The following AKAP1 variants were observed in gnomAD, a reference collection of about 807,000 sequenced individuals.
The protein encoded by AKAP1 is A-kinase anchoring protein 1.
Under a neutral mutation model 79.8 loss-of-function variants are expected in AKAP1, and 32 were observed. The ratio of observed to expected loss-of-function variants is 0.40; its 90% confidence interval spans 0.30 to 0.54. The LOEUF (loss-of-function observed/expected upper bound fraction) is 0.54. Ranked by LOEUF, AKAP1 falls within the 20% of genes least tolerant of loss-of-function variation. The pLI, the probability that AKAP1 is intolerant of heterozygous loss-of-function variation, is 0.47. For missense variants in AKAP1, 961 were observed against 1,138.9 expected, an observed-to-expected ratio of 0.84 and a Z score of 2.25; for synonymous variants, 416 against 466.7, an observed-to-expected ratio of 0.89 and a Z score of 1.40.
At chr17:57,114,333 A>G (rs1567914361) in intron 5 of AKAP1, 126 bp from the exon 6 acceptor site, 2 of 1,137,476 alleles carry the variant, frequency 1.8e-6, no homozygotes, top group East Asian at 5.0e-5. Context: ...TCTGGGTGCC[A>G]TGTTGTCTTG....
rs1915303255 is a variant in AKAP1 at position 57,112,409 on chromosome 17, G to A, written c.1976-82G>A. On this transcript the variant is annotated intron_variant, in intron 4 of 10. Coordinates refer to ENST00000337714, the MANE Select transcript of AKAP1 (RefSeq NM_003488.4). ...CTCTATGCAAAGTCCAGTGGAGTGG[G>A]GTCTGTGGCTGTGTTTTTGTGAGTG... The A allele has an allele frequency of 3.9e-6, 6 of 1,523,158 alleles. No individual in the cohort carries two copies. The South Asian group carries it at 5.0e-5, about 13-fold the overall frequency. 94.4% of individuals were successfully genotyped at this position (1,523,158 alleles called of 1,614,324 possible). A position where few individuals can be genotyped will look rare whatever the true frequency, so the allele number is the denominator to read the frequency against.
intron 6 of AKAP1, 126 bp downstream of exon 6, chr17:57,114,762 T>G: frequency 8.9e-7 from 1 of 1,120,616 alleles, no homozygotes; most frequent in East Asian, 2.6e-5. Flanking sequence ...TTCTTGCCAT[T>G]GTTATGGAGC....
chr17:57,108,899 C>T (rs1915064520), intron 2 of AKAP1, among the ~76,000 whole-genome samples: 1 of 152,214 alleles, frequency 6.6e-6, no homozygotes, highest in Admixed American at 6.5e-5. Flanking sequence ...GCTCCCCGCC[C>T]CCTCGCCCAG....
At chr17:57,102,081 A>T (rs1914551447) in intron 1 of AKAP1, among the ~76,000 whole-genome samples, 1 of 152,066 alleles carries the variant, frequency 6.6e-6, no homozygotes, top group Non-Finnish European at 1.5e-5. Context: ...GCCTGTGCAG[A>T]GGTACGTGGG....
rs1015532362 is a variant in AKAP1 at position 57,120,890 on chromosome 17, A to C, written c.*566A>C. The C allele has an allele frequency of 6.5e-6, 1 of 152,826 alleles. No individual in the cohort carries two copies. The highest frequency in any genetic ancestry group is 1.5e-5 in the Non-Finnish European group (1 of 68,168). The allele number at this position is 152,826 out of a possible 1,614,324, so 9.5% of individuals were successfully genotyped here. A position where few individuals can be genotyped will look rare whatever the true frequency, so the allele number is the denominator to read the frequency against. ...TTTTTAAATTGCAACTGTAAATATG[A>C]AATGGTCATCACATCTGACCTTGGT... On this transcript the variant is annotated 3_prime_UTR_variant, in exon 11 of 11. Transcript: ENST00000337714.
chr17:57,110,752 T>C lies in AKAP1; in HGVS notation c.1848+594T>C, dbSNP rs144916216. ...TATTTAACAATTTAATTTTCGTGTG[T>C]TATTCTTTGAAAATGTAACTGTAAC... On this transcript the variant is annotated intron_variant, in intron 3 of 10. Coordinates refer to ENST00000337714, the MANE Select transcript of AKAP1 (RefSeq NM_003488.4). Among the ~76,000 whole-genome samples the C allele has an allele frequency of 4.4e-3, 666 of 152,380 alleles. 2 individuals are homozygous for C. The highest frequency in any genetic ancestry group is 8.1e-3 in the South Asian group (39 of 4,826).
In AKAP1 at chr17:57,116,932, C is replaced by T. The variant is rs367602835; in HGVS notation, c.2500+5C>T. 69 of 1,613,660 alleles carry T rather than the reference C, an allele frequency of 4.3e-5. No individual in the cohort carries two copies. Among genetic ancestry groups the T allele is most frequent in the Non-Finnish European group, 5.8e-5 (68 of 1,179,666 alleles). On this transcript the variant is annotated splice_donor_5th_base_variant and intron_variant, in intron 8 of 10. Transcript: ENST00000337714. ...ACAGTGTGATGCCCCTGTCAGGTAA[C>T]AGCTGAGGCCTTTGGCTTGGGGGAT...
At chr17:57,102,413 T>C (rs548886908) in intron 1 of AKAP1, among the ~76,000 whole-genome samples, 1 of 152,066 alleles carries the variant, frequency 6.6e-6, no homozygotes, top group Non-Finnish European at 1.5e-5. Flanking sequence ...TCTAGAATAA[T>C]GGGTTCCAGA....
chr17:57,118,822 CTA>C (rs1234378786), intron 9 of AKAP1, among the ~76,000 whole-genome samples, 158 bp from the exon 10 acceptor site: 1 of 152,212 alleles, frequency 6.6e-6, no homozygotes, highest in Admixed American at 6.5e-5. Context: ...TGAGAACTCA[CTA>C]TGACGAGAAC....
intron 1 of AKAP1, among the ~76,000 whole-genome samples, chr17:57,099,483 T>G (rs1196631933): frequency 2.0e-5 from 3 of 152,058 alleles, no homozygotes; most frequent in African/African-American, 7.2e-5. Flanking sequence ...CACTGGGAAT[T>G]TAGGTGGGAC....
At chr17:57,114,764 T>A in intron 6 of AKAP1, 128 bp downstream of exon 6, 1 of 1,109,650 alleles carries the variant, frequency 9.0e-7, no homozygotes. Context: ...CTTGCCATTG[T>A]TATGGAGCTG....
chr17:57,101,765 G>C (rs1722615914), intron 1 of AKAP1: 2 of 152,188 alleles, frequency 1.3e-5, no homozygotes, highest in Admixed American at 1.3e-4. Flanking sequence ...TAAATGGTTA[G>C]AATTAGTGAG....
chr17:57,108,672 G>A (rs576418479), intron 2 of AKAP1, among the ~76,000 whole-genome samples: 1 of 152,204 alleles, frequency 6.6e-6, no homozygotes, highest in Non-Finnish European at 1.5e-5. Flanking sequence ...TTAGTGCCTC[G>A]CATGTACCTT....
intron 7 of AKAP1, among the ~76,000 whole-genome samples, chr17:57,116,585 G>A (rs933095319): frequency 3.3e-5 from 5 of 152,108 alleles, no homozygotes; most frequent in African/African-American, 9.7e-5. Flanking sequence ...GCAGTATAGC[G>A]AGACCTCATC....
chr17:57,109,954 G>A, intron 2 of AKAP1, 71 bp from the exon 3 acceptor site: 1 of 1,572,564 alleles, frequency 6.4e-7, no homozygotes, highest in Admixed American at 1.8e-5. Context: ...GTGAGTTTGG[G>A]AAGTTCTTGG....
chr17:57,090,243 T>G (rs1913700561), intron 1 of AKAP1, among the ~76,000 whole-genome samples: 1 of 152,162 alleles, frequency 6.6e-6, no homozygotes, highest in African/African-American at 2.4e-5. Flanking sequence ...ATATATAATG[T>G]GAGATCTCTT....
At chr17:57,108,488 C>T (rs1915033951) in intron 2 of AKAP1, among the ~76,000 whole-genome samples, 1 of 152,110 alleles carries the variant, frequency 6.6e-6, no homozygotes, top group Non-Finnish European at 1.5e-5. Context: ...ATTAACAAGC[C>T]CCGCAGCCTT....
At chr17:57,085,869 CG>C (rs543466550) in intron 1 of AKAP1, 150 of 153,580 alleles carry the variant, frequency 9.8e-4, no homozygotes, top group South Asian at 3.0e-3. Flanking sequence ...TTTCAAAGGT[CG>C]TGTGTACACA....
intron 9 of AKAP1, 59 bp from the exon 10 acceptor site, chr17:57,118,923 G>A (rs376434056): frequency 4.5e-6 from 7 of 1,557,234 alleles, no homozygotes; most frequent in Admixed American, 1.7e-5. Flanking sequence ...AATTCAAGAT[G>A]ATATTTGAGT....
Sources: allele counts gnomAD v4.1 joint callset (sites outside exome capture counted in the v4.1 genomes callset), GRCh38; gene constraint gnomAD v4.1.1; transcripts MANE v1.5; gene names NCBI Gene and HGNC (gene_info 2026-07-23, HGNC 2026-07-21).